Variants in RYR1 observed in about 807,000 individuals in gnomAD.
RYR1 encodes the protein ryanodine receptor 1.
A neutral mutation model predicts 583.5 loss-of-function variants in RYR1; 342 were observed. The observed-to-expected ratio is 0.59, with a 90% CI of 0.54 to 0.64. The LOEUF is 0.64. RYR1 is among the 30% of genes least tolerant of loss of function. The pLI is 0.00. For missense variants in RYR1, 6,032 were observed against 6,917.2 expected (o/e 0.87, Z 4.54); for synonymous variants, 2,791 against 2,822.5 (o/e 0.99, Z 0.35).
At chr19:38,464,134 G>A (rs1047425072) in intron 22 of RYR1, among the ~76,000 whole-genome samples, 10 of 151,832 alleles carry the variant, frequency 6.6e-5, no homozygotes, top group South Asian at 2.1e-4. Flanking sequence ...AAACTTAGCC[G>A]GGCGTGGTGG....
chr19:38,567,066 C>G, intron 92 of RYR1, 79 bp downstream of exon 92: 1 of 1,543,838 alleles, frequency 6.5e-7, no homozygotes, highest in Non-Finnish European at 8.7e-7. Flanking sequence ...AGGTCAGGCC[C>G]CAAGGCTGTC....
rs1343240354 is a variant in RYR1, at chr19:38,492,516, G to A, written c.6154G>A (p.Glu2052Lys). 6.2e-7 allele frequency: 1 copy of A among 1,614,120 alleles called. No homozygotes were observed. Among genetic ancestry groups the A allele is most frequent in the South Asian group, 1.1e-5 (1 of 91,080 alleles). ...CGIQLDGEEE[E>K]PEEETTLGSR... ...AATTCAGCTAGATGGAGAGGAGGAG[G>A]AACCAGAGGAAGAGACCACCCTGGG... The change falls in exon 38 of 106, where the codon GAA becomes AAA. Residue 2052 changes from glutamate (E) to lysine (K), a missense_variant. Physicochemically the swap from Glu to Lys is moderately conservative, Grantham distance 56 (BLOSUM62 1). This residue lies in a region of RYR1 where 2,627 missense variants were observed against 2,961.3 expected (regional missense o/e 0.89). Coordinates refer to ENST00000359596, the MANE Select transcript of RYR1 (RefSeq NM_000540.3).
chr19:38,534,416 C>T (rs770811943), intron 78 of RYR1, among the ~76,000 whole-genome samples: 3 of 152,132 alleles, frequency 2.0e-5, no homozygotes, highest in East Asian at 1.9e-4. Flanking sequence ...TGTTAGAGGG[C>T]GGAAAACATA....
intron 38 of RYR1, 116 bp downstream of exon 38, chr19:38,492,752 C>T (rs1969613538): frequency 2.7e-6 from 3 of 1,123,386 alleles, no homozygotes; most frequent in Non-Finnish European, 3.8e-6. Context: ...GGTAGATAGG[C>T]AGGAGTGAGA....
intron 26 of RYR1, 48 bp from the exon 27 acceptor site, chr19:38,469,257 G>T: frequency 6.2e-7 from 1 of 1,608,504 alleles, no homozygotes; most frequent in South Asian, 1.1e-5. Context: ...GGCTCCCTCT[G>T]CCCTGCCCAC....
At position 38,464,625 on chromosome 19, in the gene RYR1, TCCCCCACC is replaced by T. The variant is rs769372031; in HGVS notation, c.2787-10_2787-3del. On this transcript the variant is annotated splice_region_variant and splice_polypyrimidine_tract_variant and intron_variant, in intron 22 of 105. Transcript: ENST00000359596. Reference sequence around the variant, plus strand: ...GAGGGGCGTGACCTGTCGCCTCCACTCCCCCACCCCCAGGACTCTGCTGGCTCTGGGCT... The same window carrying T: ...GAGGGGCGTGACCTGTCGCCTCCACTCCCAGGACTCTGCTGGCTCTGGGCT... 1.3e-6 allele frequency: 2 copies of T among 1,568,108 alleles called. No homozygotes were observed. Among genetic ancestry groups the T allele is most frequent in the Non-Finnish European group, 1.7e-6 (2 of 1,155,866 alleles).
intron 64 of RYR1, 52 bp downstream of exon 64, chr19:38,515,159 A>AG (rs1405219275): frequency 9.8e-7 from 1 of 1,018,736 alleles, no homozygotes; most frequent in African/African-American, 1.6e-5. Flanking sequence ...AGGGGAAGGG[A>AG]GGGAGCAGGG....
chr19:38,535,564 G>T, intron 81 of RYR1, 172 bp downstream of exon 81: 1 of 680,988 alleles, frequency 1.5e-6, no homozygotes, highest in Non-Finnish European at 2.7e-6. Flanking sequence ...AACAATAAGG[G>T]AGGCAAAATG....
rs139269126 is a variant in RYR1, at chr19:38,533,562, C to T, written c.11259+826C>T. ...ATTCCAGCACTTTGGGAGGCCAAGGCGGGTGGATCACCTGAGGCCAGGAGT... is the reference window on the plus strand; with the variant it reads ...ATTCCAGCACTTTGGGAGGCCAAGGTGGGTGGATCACCTGAGGCCAGGAGT... On this transcript the variant is annotated intron_variant, in intron 78 of 105. Coordinates refer to ENST00000359596, the MANE Select transcript of RYR1 (RefSeq NM_000540.3). Among the ~76,000 whole-genome samples the T allele has an allele frequency of 2.0e-3, 305 of 152,206 alleles. 2 individuals carry two copies. The highest frequency in any genetic ancestry group is 6.9e-3 in the African/African-American group (287 of 41,526).
intron 73 of RYR1, 160 bp downstream of exon 73, chr19:38,527,944 G>C (rs1971547974): frequency 5.1e-6 from 4 of 779,576 alleles, no homozygotes; most frequent in Non-Finnish European, 6.1e-6. Flanking sequence ...GAATGGATCG[G>C]GGGAGGGGTC....
At chr19:38,468,881 C>G in intron 25 of RYR1, 85 bp from the exon 26 acceptor site, 1 of 1,421,740 alleles carries the variant, frequency 7.0e-7, no homozygotes, top group Admixed American at 1.8e-5. Context: ...TGTCTGTCTT[C>G]ATATATCTCT....
Position 38,446,486 on chromosome 19 carries a change from G to T in RYR1, c.646G>T (p.Gly216Cys). 1 of 1,613,960 alleles carries T rather than the reference G, an allele frequency of 6.2e-7. No individual in the cohort carries two copies. The highest frequency in any genetic ancestry group is 1.3e-5 in the African/African-American group (1 of 75,034). ...CTCCTCTCCAGGCTTCGTGACGGGA[G>T]GTCACGTCCTCCGCCTCTTTCATGG... ...SRCEEGFVTG[G>C]HVLRLFHGHM... The change falls in exon 8 of 106, where the codon GGT becomes TGT. Residue 216 changes from glycine (G) to cysteine (C), a missense_variant. This residue lies in a region of RYR1 where 338 missense variants were observed against 441.6 expected (regional missense o/e 0.77). Transcript: ENST00000359596.
At chr19:38,581,309 C>A (rs917461860) in intron 101 of RYR1, among the ~76,000 whole-genome samples, 3 of 152,090 alleles carry the variant, frequency 2.0e-5, no homozygotes, top group Non-Finnish European at 4.4e-5. Context: ...GATCTCCTGA[C>A]CTGGTGATCC....
In RYR1 at chr19:38,455,634, C is replaced by T. The variant is rs1212717189; in HGVS notation, c.1674C>T (p.Gly558=). 4 of 1,612,300 alleles carry T rather than the reference C, an allele frequency of 2.5e-6. No homozygotes were observed. Among genetic ancestry groups the T allele is most frequent in the South Asian group, 2.2e-5 (2 of 91,066 alleles). ...CTCTCATTCTGGGCACCCTGGCAGG[C>T]ATCCTGGAGGTCCTGTACTGTGTCC... ...SKLDRLEASS[G]ILEVLYCVLI... The change falls in exon 16 of 106, where the codon GGC becomes GGT. Residue 558 remains glycine (G), a splice_region_variant and synonymous_variant. Transcript: ENST00000359596.
At chr19:38,440,621 G>C (rs566392602) in intron 1 of RYR1, 124 bp from the exon 2 acceptor site, 1 of 1,066,112 alleles carries the variant, frequency 9.4e-7, no homozygotes, top group Non-Finnish European at 1.4e-6. Flanking sequence ...GGGCTTGGGT[G>C]GGTTGATCTT....
chr19:38,435,693 G>A (rs963719058), intron 1 of RYR1, among the ~76,000 whole-genome samples: 2 of 151,990 alleles, frequency 1.3e-5, no homozygotes, highest in African/African-American at 2.4e-5. Flanking sequence ...CCGAGATTGC[G>A]CCACTGCACA....
intron 28 of RYR1, 118 bp from the exon 29 acceptor site, chr19:38,475,200 C>T (rs1416024835): frequency 1.8e-5 from 25 of 1,384,456 alleles, no homozygotes; most frequent in Non-Finnish European, 2.3e-5. Context: ...CCTCTAGAGG[C>T]AAGACCTGGG....
rs1057519184 is a variant in RYR1 at position 38,457,560 on chromosome 19, C to G, written c.1855C>G (p.Leu619Val). The G allele has an allele frequency of 1.2e-6, 2 of 1,614,174 alleles. No homozygotes were observed. The highest frequency in any genetic ancestry group is 2.2e-5 in the East Asian group (1 of 44,890). Residue 619 changes from leucine to valine, a missense_variant, in exon 17 of 106, where the codon CTT becomes GTT. Physicochemically the swap from Leu to Val is conservative, Grantham distance 32. This residue lies in a region of RYR1 where 2,627 missense variants were observed against 2,961.3 expected (regional missense o/e 0.89). Transcript: ENST00000359596. Reference protein sequence around the residue: ...NGVAVRSNQDLITENLLPGRE... With the variant: ...NGVAVRSNQDVITENLLPGRE... ...TGTGGCTGTACGCTCCAACCAAGAT[C>G]TTATTACTGAGAACTTGCTGCCTGG...
At chr19:38,484,747 GTTGC>G (rs143102890) in intron 33 of RYR1, among the ~76,000 whole-genome samples, 4,033 of 152,234 alleles carry the variant, frequency 0.026, 178 homozygotes, top group African/African-American at 0.09. Context: ...AGGAGGGAGG[GTTGC>G]TTGAGGCCAG....
Sources: allele counts gnomAD v4.1 joint callset (sites outside exome capture counted in the v4.1 genomes callset), GRCh38; gene constraint gnomAD v4.1.1; regional missense constraint gnomAD v4.1.1; transcripts MANE v1.5; gene names NCBI Gene and HGNC (gene_info 2026-07-23, HGNC 2026-07-21).